Variants in GALNT9 observed in about 807,000 individuals in gnomAD.
GALNT9 encodes polypeptide N-acetylgalactosaminyltransferase 9.
A neutral mutation model predicts 63.1 loss-of-function variants in GALNT9; 47 were observed. The ratio of observed to expected loss-of-function variants is 0.75; its 90% CI spans 0.59 to 0.95. The LOEUF (loss-of-function observed/expected upper bound fraction) is 0.95. Ranked by LOEUF, GALNT9 falls within the 40% of genes least tolerant of loss-of-function variation. The probability of loss-of-function intolerance (pLI) is 0.00; values close to 1 mark genes in which losing one functional copy is unlikely to be tolerated. For missense variants in GALNT9, 829 were observed against 874.8 expected (o/e 0.95, Z 0.66); for synonymous variants, 396 against 365.7 (o/e 1.08, Z -0.94).
chr12:132,241,036 C>A (rs1283115776), intron 6 of GALNT9, among the ~76,000 whole-genome samples: 5 of 104,010 alleles, frequency 4.8e-5, no homozygotes, highest in Non-Finnish European at 6.6e-5. Flanking sequence ...CAACACACAC[C>A]CTTCCAGGGG....
intron 6 of GALNT9, among the ~76,000 whole-genome samples, chr12:132,235,158 GT>G (rs1877953273): frequency 1.0e-5 from 1 of 96,722 alleles, no homozygotes; most frequent in South Asian, 4.3e-4. Context: ...ACTCGATGGG[GT>G]GACAGGGACA....
rs1486896844 is a variant in GALNT9, at chr12:132,262,567, C to T, written c.478G>A (p.Val160Ile). 16 of 1,551,342 alleles carry T rather than the reference C, an allele frequency of 1.0e-5. No individual in the cohort carries two copies. The highest frequency in any genetic ancestry group is 7.8e-5 in the Admixed American group (4 of 50,964). The change falls in exon 3 of 11, where the codon GTC (valine) becomes ATC (isoleucine). Residue 160 changes from valine to isoleucine, a missense_variant. Physicochemically the swap from Val to Ile is conservative, Grantham distance 29. Transcript: ENST00000328957. ...AGGATGACCGACAGCGCCTCATTGA[C>T]GAAGATGAAGACCACGGAGACCTGG... ...LPQVSVVFIF[V>I]NEALSVILRS...
chr12:132,282,205 A>G lies in GALNT9; in HGVS notation c.419+4045T>C, dbSNP rs55983228. On this transcript the variant is annotated intron_variant, in intron 2 of 10. Transcript: ENST00000328957. The surrounding 1 kb of genome is among the most constrained non-coding windows in gnomAD (Gnocchi z 4.5). Reference sequence around the variant, plus strand: ...GCCTGGGGGTCCCTGATCCCACAGAAGAGGAATCAGCTCCACTGCAGCAAG... The same window carrying G: ...GCCTGGGGGTCCCTGATCCCACAGAGGAGGAATCAGCTCCACTGCAGCAAG... 3.8e-3 allele frequency among the ~76,000 whole-genome samples: 362 copies of G among 94,370 alleles called. No homozygotes were observed. Among genetic ancestry groups the G allele is most frequent in the African/African-American group, 0.017 (251 of 15,122 alleles). 61.9% of individuals were successfully genotyped at this position (94,370 alleles called of 152,430 possible). A position where few individuals can be genotyped will look rare whatever the true frequency, so the allele number is the denominator to read the frequency against.
chr12:132,225,045 A>C (rs2135522650), intron 6 of GALNT9, among the ~76,000 whole-genome samples: 1 of 90,926 alleles, frequency 1.1e-5, no homozygotes, highest in African/African-American at 4.5e-5. Context: ...CCCACACCCC[A>C]CACACTACAT....
chr12:132,197,773 C>A lies in GALNT9; in HGVS notation c.1665+19G>T. On this transcript the variant is annotated intron_variant, in intron 10 of 10. Coordinates refer to ENST00000328957, the MANE Select transcript of GALNT9 (RefSeq NM_001122636.2). ...CTGCCCCGCCCCAACCCCACGGCCC[C>A]CCTTCCCCAGAGGCTGACCTGGGTG... The A allele has an allele frequency of 6.6e-7, 1 of 1,525,062 alleles. No homozygotes were observed. Among genetic ancestry groups the A allele is most frequent in the Non-Finnish European group, 8.9e-7 (1 of 1,123,536 alleles). The allele number at this position is 1,525,062 out of a possible 1,614,324, so 94.5% of individuals were successfully genotyped here.
Position 132,197,977 on chromosome 12 carries a change from G to C in GALNT9, c.1498-18C>G. ...CGCACCAGCTGGGGACAGGACCACC[G>C]GGACTGTGTGTGAGCAGCGCCCAGG... On this transcript the variant is annotated intron_variant, in intron 9 of 10. Coordinates refer to ENST00000328957, the MANE Select transcript of GALNT9 (RefSeq NM_001122636.2). 1 of 1,593,982 alleles carries C rather than the reference G, an allele frequency of 6.3e-7. No individual in the cohort carries two copies. Among genetic ancestry groups the C allele is most frequent in the South Asian group, 1.1e-5 (1 of 89,758 alleles).
chr12:132,277,995 G>GCCCCCT (rs1880173870), intron 2 of GALNT9: 1 of 93,204 alleles, frequency 1.1e-5, no homozygotes, highest in African/African-American at 4.3e-5. Flanking sequence ...CCCCGCCCCG[G>GCCCCCT]CCCCCTCCCC....
chr12:132,240,717 C>A (rs1238781431), intron 6 of GALNT9: 1 of 455,948 alleles, frequency 2.2e-6, no homozygotes, highest in Admixed American at 2.4e-5. Flanking sequence ...CTTGCTGGAA[C>A]CCTTCTGTTT....
intron 6 of GALNT9, among the ~76,000 whole-genome samples, chr12:132,239,897 G>A (rs1356890927): frequency 6.6e-6 from 1 of 152,082 alleles, no homozygotes; most frequent in Non-Finnish European, 1.5e-5. Flanking sequence ...AGAGAGAGAT[G>A]CAGAGAGAGG....
chr12:132,312,740 C>A (rs534190268), intron 1 of GALNT9, among the ~76,000 whole-genome samples: 51 of 152,324 alleles, frequency 3.3e-4, no homozygotes, highest in African/African-American at 9.6e-4. Context: ...GTCCAGGGGA[C>A]CTGGCTTTCC....
chr12:132,300,656 CCT>C (rs782088405), intron 1 of GALNT9, among the ~76,000 whole-genome samples: 21 of 150,132 alleles, frequency 1.4e-4, no homozygotes, highest in Admixed American at 3.3e-4. Flanking sequence ...CTAACCCACC[CCT>C]GAGATGACCA....
intron 2 of GALNT9, among the ~76,000 whole-genome samples, chr12:132,272,142 C>CGGCGGGGACCCCTCTGTG (rs1452607633): frequency 6.6e-6 from 1 of 152,186 alleles, no homozygotes; most frequent in Non-Finnish European, 1.5e-5. Flanking sequence ...GACAGATGCA[C>CGGCGGGGACCCCTCTGTG]GGCGGGGACC....
At chr12:132,258,684 G>C (rs1290301472) in intron 4 of GALNT9, among the ~76,000 whole-genome samples, 4 of 152,236 alleles carry the variant, frequency 2.6e-5, no homozygotes, top group Non-Finnish European at 4.4e-5. Context: ...GGGCAATGGG[G>C]GGCGAGGAGG....
chr12:132,244,177 G>C (rs1364262557), intron 6 of GALNT9, among the ~76,000 whole-genome samples: 1 of 143,130 alleles, frequency 7.0e-6, no homozygotes, highest in Non-Finnish European at 1.5e-5. Flanking sequence ...CGGGCCAAGA[G>C]CACAAGGTGG....
intron 6 of GALNT9, among the ~76,000 whole-genome samples, chr12:132,235,104 G>C (rs1470040183): frequency 2.1e-5 from 2 of 96,752 alleles, no homozygotes; most frequent in African/African-American, 1.0e-4. Context: ...CCACACACTC[G>C]ATGGCGTGAG....
In GALNT9 at chr12:132,319,065, C is replaced by T. The variant is rs1268153942; in HGVS notation, c.238+9901G>A. 6.6e-6 allele frequency among the ~76,000 whole-genome samples: 1 copy of T among 152,212 alleles called. No individual in the cohort carries two copies. Among genetic ancestry groups the T allele is most frequent in the African/African-American group, 2.4e-5 (1 of 41,462 alleles). ...CAGAGACAGACCTGGGTGTCCGTGGCCGCCACCGAGCCACCAAGCCTGCAG... is the reference window on the plus strand; with the variant it reads ...CAGAGACAGACCTGGGTGTCCGTGGTCGCCACCGAGCCACCAAGCCTGCAG... On this transcript the variant is annotated intron_variant, in intron 1 of 10. Coordinates refer to ENST00000328957, the MANE Select transcript of GALNT9 (RefSeq NM_001122636.2). This position sits in a 1 kb window ranked among gnomAD's most constrained non-coding sequence, Gnocchi z 5.2.
At chr12:132,210,772 TGGTCGCCATCTGGA>T (rs1158774957) in intron 6 of GALNT9, among the ~76,000 whole-genome samples, 1 of 151,632 alleles carries the variant, frequency 6.6e-6, no homozygotes, top group Non-Finnish European at 1.5e-5. Flanking sequence ...AAAAAGGGCT[TGGTCGCCATCTGGA>T]GGTCGCCGTC....
intron 2 of GALNT9, among the ~76,000 whole-genome samples, chr12:132,264,445 C>G (rs891562991): frequency 6.6e-6 from 1 of 152,216 alleles, no homozygotes; most frequent in Non-Finnish European, 1.5e-5. Flanking sequence ...GTTTCGGGCC[C>G]GGCTTGGTCG....
intron 6 of GALNT9, among the ~76,000 whole-genome samples, chr12:132,237,279 C>G (rs1230824056): frequency 6.6e-6 from 1 of 152,096 alleles, no homozygotes; most frequent in African/African-American, 2.4e-5. Flanking sequence ...CATACCTGTC[C>G]ACACCTGCTC....
Sources: allele counts gnomAD v4.1 joint callset (sites outside exome capture counted in the v4.1 genomes callset), GRCh38; gene constraint gnomAD v4.1.1; non-coding constraint Gnocchi (gnomAD v3.1); transcripts MANE v1.5; gene names NCBI Gene and HGNC (gene_info 2026-07-23, HGNC 2026-07-21).